Variants in BCO1 observed in about 807,000 individuals in gnomAD.
BCO1 encodes beta-carotene oxygenase 1.
A neutral mutation model predicts 56.3 loss-of-function variants in BCO1; 54 were observed. That is an observed-to-expected ratio of 0.96 (90% confidence interval 0.77 to 1.20). The LOEUF (loss-of-function observed/expected upper bound fraction) is 1.20. BCO1 is among the 50% of genes most tolerant of loss of function. BCO1 has a pLI of 0.00. For missense variants in BCO1, 801 were observed against 690.9 expected (o/e 1.16, Z -1.79); for synonymous variants, 318 against 266.1 (o/e 1.20, Z -1.90).
At chr16:81,285,922 AG>A (rs1908153606) in intron 9 of BCO1, among the ~76,000 whole-genome samples, 1 of 152,182 alleles carries the variant, frequency 6.6e-6, no homozygotes, top group Admixed American at 6.5e-5. Flanking sequence ...ACTGAGGGTA[AG>A]GAAGTCAGCA....
intron 7 of BCO1, among the ~76,000 whole-genome samples, chr16:81,271,225 C>T (rs1907196627): frequency 6.6e-6 from 1 of 151,990 alleles, no homozygotes; most frequent in African/African-American, 2.4e-5. Flanking sequence ...AGCGGTTCTC[C>T]TGCCTCGGCC....
At position 81,252,988 on chromosome 16, in the gene BCO1, CATGCCACCTACTCAGG is replaced by C. The variant is rs1231840598; in HGVS notation, c.194-6683_194-6668del. ...GCCAGGCATGGTGGCAGGCACCTGT[CATGCCACCTACTCAGG>C]ATGCTGAGGCAGGAGAACTGCTTGA... On this transcript the variant is annotated intron_variant, in intron 2 of 10. Transcript: ENST00000258168. Among the ~76,000 whole-genome samples the C allele has an allele frequency of 7.9e-5, 12 of 152,180 alleles. No homozygotes were observed. The East Asian group carries it at 2.3e-3, about 29-fold the overall frequency.
chr16:81,278,592 A>C (rs1347864933), intron 7 of BCO1, among the ~76,000 whole-genome samples: 1 of 152,226 alleles, frequency 6.6e-6, no homozygotes, highest in Non-Finnish European at 1.5e-5. Context: ...AAAGAGCTTC[A>C]TAAAGGAGAT....
At chr16:81,254,135 A>AT (rs563948674) in intron 2 of BCO1, among the ~76,000 whole-genome samples, 3 of 151,316 alleles carry the variant, frequency 2.0e-5, no homozygotes, top group East Asian at 1.9e-4. Flanking sequence ...TTTATTGTAT[A>AT]TTTTTTTCTT....
intron 8 of BCO1, among the ~76,000 whole-genome samples, chr16:81,285,031 G>A (rs1269248331): frequency 2.0e-5 from 3 of 151,426 alleles, no homozygotes; most frequent in Admixed American, 6.6e-5. Context: ...GTAGAGGGAG[G>A]GTTTTGCCAT....
chr16:81,273,172 G>A (rs1460469332), intron 7 of BCO1, among the ~76,000 whole-genome samples: 1 of 152,046 alleles, frequency 6.6e-6, no homozygotes, highest in African/African-American at 2.4e-5. Context: ...TAGTAGAGAT[G>A]GGGTTTCACC....
Position 81,262,266 on chromosome 16 carries a change from C to A in BCO1, c.454C>A (p.Leu152Met). The A allele has an allele frequency of 6.2e-7, 1 of 1,613,672 alleles. No individual in the cohort carries two copies. Among genetic ancestry groups the A allele is most frequent in the South Asian group, 1.1e-5 (1 of 91,070 alleles). ...NYIRKINPQTLETLEKVDYRK... is the reference protein window; with the variant it reads ...NYIRKINPQTMETLEKVDYRK... Reference sequence around the variant, plus strand: ...CATCAGGAAAATCAACCCACAGACTCTGGAAACCCTGGAGAAGGTATCAAC... The same window carrying A: ...CATCAGGAAAATCAACCCACAGACTATGGAAACCCTGGAGAAGGTATCAAC... Residue 152 changes from leucine to methionine, a missense_variant, in exon 4 of 11, where the codon CTG becomes ATG. Physicochemically the swap from Leu to Met is conservative, Grantham distance 15. Transcript: ENST00000258168.
At chr16:81,282,816 A>G (rs933211340) in intron 8 of BCO1, among the ~76,000 whole-genome samples, 3 of 152,092 alleles carry the variant, frequency 2.0e-5, no homozygotes, top group African/African-American at 7.2e-5. Flanking sequence ...CCCATCATGC[A>G]TGGATTGTGT....
chr16:81,270,423 G>A lies in BCO1; in HGVS notation c.1101+7G>A. The A allele has an allele frequency of 6.2e-7, 1 of 1,613,870 alleles. No homozygotes were observed. Among genetic ancestry groups the A allele is most frequent in the Non-Finnish European group, 8.5e-7 (1 of 1,180,006 alleles). Reference sequence around the variant, plus strand: ...GCCCCTCCACGTGGACAAGGTAATGGCTTCCAAGGAGGTCCCTTTTCTTTC... The same window carrying A: ...GCCCCTCCACGTGGACAAGGTAATGACTTCCAAGGAGGTCCCTTTTCTTTC... On this transcript the variant is annotated splice_region_variant and intron_variant, in intron 7 of 10. Coordinates refer to ENST00000258168, the MANE Select transcript of BCO1 (RefSeq NM_017429.3).
chr16:81,273,643 T>C (rs1029443474), intron 7 of BCO1, among the ~76,000 whole-genome samples: 4 of 151,902 alleles, frequency 2.6e-5, no homozygotes, highest in Admixed American at 2.0e-4. Flanking sequence ...AAAATCCTTT[T>C]TTTTTTTTCA....
In BCO1 at chr16:81,270,168, C is replaced by T. The variant is rs911831366; in HGVS notation, c.853C>T (p.His285Tyr). The T allele has an allele frequency of 3.7e-6, 6 of 1,614,008 alleles. No homozygotes were observed. The highest frequency in any genetic ancestry group is 3.3e-4 in the Middle Eastern group (2 of 6,084). The change falls in exon 7 of 11, where the codon CAC (histidine) becomes TAC (tyrosine). Residue 285 changes from histidine to tyrosine, a missense_variant. Transcript: ENST00000258168. ...ATGTGTCCTTTTTCAGACTTATATC[C>T]ACATCATCGACCAAAGGACCAGGCA... ...AFHREEKTYI[H>Y]IIDQRTRQPV... is the part of the protein sequence containing the mutation.
chr16:81,254,426 C>T (rs1041628176), intron 2 of BCO1, among the ~76,000 whole-genome samples: 2 of 147,280 alleles, frequency 1.4e-5, no homozygotes, highest in African/African-American at 5.0e-5. Context: ...GCTGGGATTA[C>T]AGGCATAAGC....
chr16:81,281,680 C>T (rs1041155728), intron 8 of BCO1, among the ~76,000 whole-genome samples: 7 of 152,186 alleles, frequency 4.6e-5, no homozygotes, highest in Non-Finnish European at 1.0e-4. Flanking sequence ...CCCTCTAGAA[C>T]AGGAGTCACA....
intron 7 of BCO1, among the ~76,000 whole-genome samples, chr16:81,280,308 A>T (rs1369020736): frequency 4.5e-5 from 2 of 44,028 alleles, no homozygotes; most frequent in African/African-American, 1.2e-4. Flanking sequence ...AAAAAAAAAA[A>T]TTACACACAC....
rs1050862050 is a variant in BCO1 at position 81,287,409 on chromosome 16, A to T, written c.1414+3A>T. The stretch of plus-strand genomic sequence containing the variant: ...AGGTGCCAAGGATGAGGATGACGGT[A>T]AGACTCTAAGAAGCCACGCCTAGTT... On this transcript the variant is annotated splice_donor_region_variant and intron_variant, in intron 10 of 10. Transcript: ENST00000258168. 3.8e-5 allele frequency: 62 copies of T among 1,611,638 alleles called. No individual in the cohort carries two copies. The highest frequency in any genetic ancestry group is 5.3e-5 in the Non-Finnish European group (62 of 1,178,250).
intron 2 of BCO1, among the ~76,000 whole-genome samples, chr16:81,251,874 A>ATGTGTGTG (rs56069135): frequency 0.011 from 1,578 of 146,738 alleles, 16 homozygotes; most frequent in Middle Eastern, 0.031. Flanking sequence ...ACACACATAT[A>ATGTGTGTG]TGTGTGTGTG....
intron 10 of BCO1, among the ~76,000 whole-genome samples, chr16:81,288,598 A>G (rs771202727): frequency 6.6e-6 from 1 of 152,170 alleles, no homozygotes; most frequent in Non-Finnish European, 1.5e-5. Flanking sequence ...ACAATGTATA[A>G]GCATGTAAAT....
chr16:81,248,122 C>G (rs1374766508), intron 2 of BCO1, among the ~76,000 whole-genome samples: 2 of 152,218 alleles, frequency 1.3e-5, no homozygotes, highest in East Asian at 3.9e-4. Context: ...TAACTACTGG[C>G]CAGTCGCGAT....
intron 5 of BCO1, 86 bp from the exon 6 acceptor site, chr16:81,267,822 A>C: frequency 3.5e-6 from 4 of 1,157,802 alleles, no homozygotes; most frequent in Non-Finnish European, 5.1e-6. Flanking sequence ...TCAGCAATCA[A>C]GTCAGTTTGT....
Sources: allele counts gnomAD v4.1 joint callset (sites outside exome capture counted in the v4.1 genomes callset), GRCh38; gene constraint gnomAD v4.1.1; transcripts MANE v1.5; gene names NCBI Gene and HGNC (gene_info 2026-07-23, HGNC 2026-07-21).